CCDC7: variants seen among roughly 807,000 people sequenced by gnomAD.
CCDC7 encodes the protein coiled-coil domain containing 7, also known as coiled-coil domain-containing protein 7.
A neutral mutation model predicts 196.9 loss-of-function variants in CCDC7; 183 were observed. The observed-to-expected ratio is 0.93, with a 90% CI of 0.82 to 1.05. The LOEUF is 1.05. Ranked by LOEUF, CCDC7 falls within the 50% of genes least tolerant of loss-of-function variation. CCDC7 has a pLI of 0.00. For missense variants in CCDC7, 1,540 were observed against 1,482.2 expected (o/e 1.04, Z -0.64); for synonymous variants, 525 against 484.6 (o/e 1.08, Z -1.10).
intron 8 of CCDC7, among the ~76,000 whole-genome samples, chr10:32,486,850 C>T (rs1409607485): frequency 4.6e-5 from 7 of 151,742 alleles, no homozygotes; most frequent in Admixed American, 3.3e-4. Context: ...AGAGTTTCTG[C>T]CGAGAGATCA....
At chr10:32,452,044 A>G (rs1475449038) in intron 1 of CCDC7, 123 bp downstream of exon 2, 3 of 1,314,852 alleles carry the variant, frequency 2.3e-6, no homozygotes, top group Non-Finnish European at 3.0e-6. Context: ...TTATTACAGT[A>G]GGCACATGAG....
intron 30 of CCDC7, among the ~76,000 whole-genome samples, chr10:32,808,943 G>A (rs1592976906): frequency 6.6e-6 from 1 of 152,286 alleles, no homozygotes; most frequent in East Asian, 1.9e-4. Flanking sequence ...GGGAGGTGAA[G>A]GTGGCAGGAT....
At chr10:32,692,106 G>T (rs558063378) in intron 23 of CCDC7, among the ~76,000 whole-genome samples, 3 of 152,276 alleles carry the variant, frequency 2.0e-5, no homozygotes, top group African/African-American at 7.2e-5. Context: ...TGATCATCAG[G>T]ACTCTGCATT....
chr10:32,452,882 AT>A (rs956732607), intron 1 of CCDC7, among the ~76,000 whole-genome samples: 8 of 152,192 alleles, frequency 5.3e-5, no homozygotes, highest in African/African-American at 1.4e-4. Context: ...ATATAAAAAA[AT>A]ATATAGTACA....
intron 21 of CCDC7, among the ~76,000 whole-genome samples, chr10:32,674,455 G>T (rs141767440): frequency 5.1e-4 from 78 of 152,084 alleles, no homozygotes; most frequent in African/African-American, 1.9e-3. Flanking sequence ...AAATAATCTT[G>T]TAATGGTTTT....
intron 24 of CCDC7, among the ~76,000 whole-genome samples, chr10:32,709,323 G>T (rs970326130): frequency 8.5e-6 from 1 of 117,742 alleles, no homozygotes; most frequent in African/African-American, 3.2e-5. Context: ...GCCTATCGTG[G>T]GTGGGGGGAG....
intron 15 of CCDC7, among the ~76,000 whole-genome samples, chr10:32,568,878 C>T (rs900730679): frequency 3.9e-5 from 6 of 152,314 alleles, no homozygotes; most frequent in East Asian, 1.9e-4. Context: ...AGGTCTTTCT[C>T]GCTCCAAAAT....
intron 18 of CCDC7, among the ~76,000 whole-genome samples, chr10:32,608,164 T>C (rs1424630696): frequency 1.3e-5 from 2 of 152,174 alleles, no homozygotes; most frequent in Non-Finnish European, 2.9e-5. Flanking sequence ...GTGTCTTTTT[T>C]CATTTCTGAT....
At chr10:32,815,418 A>G (rs915170072) in intron 31 of CCDC7, among the ~76,000 whole-genome samples, 1 of 152,252 alleles carries the variant, frequency 6.6e-6, no homozygotes, top group Non-Finnish European at 1.5e-5. Context: ...AAATTTTTAA[A>G]GAACCAAATT....
chr10:32,513,089 G>A (rs2046471419), intron 9 of CCDC7: 1 of 151,808 alleles, frequency 6.6e-6, no homozygotes, highest in Non-Finnish European at 1.5e-5. Context: ...GGAGTACAAT[G>A]TGCTCAAGAA....
chr10:32,658,925 A>G (rs577586705), intron 20 of CCDC7, among the ~76,000 whole-genome samples: 1 of 151,990 alleles, frequency 6.6e-6, no homozygotes, highest in Non-Finnish European at 1.5e-5. Flanking sequence ...ATTTATTTGA[A>G]TTTTCTTTTT....
chr10:32,794,057 C>G (rs2134728516), intron 29 of CCDC7, among the ~76,000 whole-genome samples: 1 of 152,268 alleles, frequency 6.6e-6, no homozygotes, highest in African/African-American at 2.4e-5. Flanking sequence ...AAGATCTCAT[C>G]ACCAAGGTGG....
At chr10:32,635,805 GT>G (rs1019973349) in intron 20 of CCDC7, among the ~76,000 whole-genome samples, 2 of 151,616 alleles carry the variant, frequency 1.3e-5, no homozygotes, top group Admixed American at 1.3e-4. Context: ...GAAGCTCATA[GT>G]TGTATATTTT....
At chr10:32,874,715 A>G (rs906868011) in intron 41 of CCDC7, among the ~76,000 whole-genome samples, 2 of 149,924 alleles carry the variant, frequency 1.3e-5, no homozygotes, top group Admixed American at 1.4e-4. Flanking sequence ...GCATATATAA[A>G]TAAAACTTTT....
At chr10:32,545,798 C>G (rs2052342730) in intron 13 of CCDC7, among the ~76,000 whole-genome samples, 4 of 151,512 alleles carry the variant, frequency 2.6e-5, no homozygotes, top group Admixed American at 6.6e-5. Flanking sequence ...CCCAGCCACT[C>G]CAGAGACTGA....
intron 12 of CCDC7, 106 bp from the exon 14 acceptor site, chr10:32,544,141 A>G: frequency 1.0e-6 from 1 of 968,886 alleles, no homozygotes; most frequent in Admixed American, 2.8e-5. Context: ...ATTTTTTTAA[A>G]AAAACTTCAT....
At chr10:32,673,838 A>T (rs1158946291) in intron 21 of CCDC7, among the ~76,000 whole-genome samples, 1 of 151,964 alleles carries the variant, frequency 6.6e-6, no homozygotes, top group Admixed American at 6.6e-5. Context: ...CAGTCTTGGT[A>T]GGTTATTGGT....
chr10:32,645,078 C>G (rs1170765030), intron 20 of CCDC7, among the ~76,000 whole-genome samples: 1 of 152,052 alleles, frequency 6.6e-6, no homozygotes, highest in East Asian at 1.9e-4. Context: ...ATACAAATGG[C>G]CAACAAATAT....
At chr10:32,686,704 A>G (rs898681690) in intron 22 of CCDC7, among the ~76,000 whole-genome samples, 10 of 152,106 alleles carry the variant, frequency 6.6e-5, no homozygotes, top group Non-Finnish European at 5.9e-5. Flanking sequence ...TTTGACAGTT[A>G]CCTCCTCAGG....
Sources: allele counts gnomAD v4.1 joint callset (sites outside exome capture counted in the v4.1 genomes callset), GRCh38; gene constraint gnomAD v4.1.1; transcripts MANE v1.5; gene names NCBI Gene and HGNC (gene_info 2026-07-23, HGNC 2026-07-21).